The following CTNND2 variants were observed in gnomAD, a reference collection of about 807,000 sequenced individuals.
The protein encoded by CTNND2 is catenin delta 2.
Under a neutral mutation model 144.4 loss-of-function variants are expected in CTNND2, and 22 were observed. The observed-to-expected ratio is 0.15, with a 90% CI of 0.11 to 0.22. CTNND2 has a LOEUF of 0.22. Ranked by LOEUF, CTNND2 falls within the 10% of genes least tolerant of loss-of-function variation. The pLI is 1.00. For synonymous variants in CTNND2, 751 were observed against 695.6 expected (o/e 1.08, Z -1.25); for missense variants, 1,353 against 1,618.8 (o/e 0.84, Z 2.82).
intron 16 of CTNND2, among the ~76,000 whole-genome samples, chr5:11,040,193 C>T (rs1338862547): frequency 6.6e-6 from 1 of 152,150 alleles, no homozygotes; most frequent in Non-Finnish European, 1.5e-5. Context: ...TTGCAGTGAG[C>T]TGAGATCACG....
intron 3 of CTNND2, among the ~76,000 whole-genome samples, chr5:11,444,877 T>C (rs1274002878): frequency 6.6e-6 from 1 of 152,034 alleles, no homozygotes. Flanking sequence ...ACCCAGGGCC[T>C]GGATTGGGGT....
At chr5:11,848,125 C>T (rs1325686906) in intron 1 of CTNND2, among the ~76,000 whole-genome samples, 1 of 152,006 alleles carries the variant, frequency 6.6e-6, no homozygotes, top group African/African-American at 2.4e-5. Context: ...GCCCTCTATT[C>T]TTTACACTTT....
At chr5:11,063,511 A>C (rs146436859) in intron 16 of CTNND2, among the ~76,000 whole-genome samples, 174 of 152,284 alleles carry the variant, frequency 1.1e-3, no homozygotes, top group Non-Finnish European at 2.1e-3. Context: ...TTGCAAAGAG[A>C]ATGAGCAATA....
intron 2 of CTNND2, among the ~76,000 whole-genome samples, chr5:11,604,999 T>A (rs1275037405): frequency 6.6e-6 from 1 of 152,254 alleles, no homozygotes; most frequent in East Asian, 1.9e-4. Context: ...TGAGTTTTAG[T>A]TATAGCACCA....
chr5:11,795,832 A>C (rs1488653421), intron 1 of CTNND2, among the ~76,000 whole-genome samples: 2 of 152,246 alleles, frequency 1.3e-5, no homozygotes, highest in East Asian at 1.9e-4. Flanking sequence ...CCACAGACTT[A>C]GTAACTTAAA....
intron 3 of CTNND2, among the ~76,000 whole-genome samples, chr5:11,534,405 C>T (rs1233793262): frequency 6.6e-6 from 1 of 152,024 alleles, no homozygotes; most frequent in Non-Finnish European, 1.5e-5. Flanking sequence ...CACCTGAGGT[C>T]AGGAGTTCGA....
At position 11,018,030 on chromosome 5, in the gene CTNND2, A is replaced by T. The variant is rs768990616; in HGVS notation, c.3028T>A (p.Ser1010Thr). The T allele has an allele frequency of 1.5e-5, 24 of 1,613,408 alleles. No homozygotes were observed. The East Asian group carries it at 4.7e-4, about 31-fold the overall frequency. ...KHSPKVVKAA[S>T]QVLNSMWQYR... ...TGCCACATGCTGTTGAGGACCTGAG[A>T]TGCAGCCTTGACCACTTTTGGAGAG... is the stretch of plus-strand genomic sequence containing the variant. Residue 1010 changes from serine (S) to threonine (T), a missense_variant, in exon 18 of 22, where the codon TCT becomes ACT. Physicochemically the swap from Ser to Thr is moderately conservative, Grantham distance 58 (BLOSUM62 1). Coordinates refer to ENST00000304623, the MANE Select transcript of CTNND2 (RefSeq NM_001332.4).
At chr5:11,238,699 GATATATATACACATT>G (rs1741900558) in intron 9 of CTNND2, among the ~76,000 whole-genome samples, 1 of 151,844 alleles carries the variant, frequency 6.6e-6, no homozygotes, top group South Asian at 2.1e-4. Context: ...TACACACACA[GATATATATACACATT>G]ATATATATAC....
chr5:11,817,514 C>T (rs570126292), intron 1 of CTNND2, among the ~76,000 whole-genome samples: 3 of 150,312 alleles, frequency 2.0e-5, no homozygotes, highest in South Asian at 2.1e-4. Context: ...AGCACCAACA[C>T]AACCCCATTC....
At chr5:11,011,146 G>A (rs1741035703) in intron 18 of CTNND2, among the ~76,000 whole-genome samples, 1 of 152,202 alleles carries the variant, frequency 6.6e-6, no homozygotes. Context: ...GTCAACAAGA[G>A]GTTGGGTCTG....
intron 11 of CTNND2, among the ~76,000 whole-genome samples, chr5:11,173,092 G>A (rs987364950): frequency 2.0e-5 from 3 of 152,320 alleles, no homozygotes; most frequent in Admixed American, 1.3e-4. Context: ...TGTAATGTCT[G>A]GCACTGTATA....
chr5:11,720,690 T>G (rs780611095), intron 2 of CTNND2, among the ~76,000 whole-genome samples: 1 of 152,226 alleles, frequency 6.6e-6, no homozygotes, highest in Non-Finnish European at 1.5e-5. Flanking sequence ...ACTAAATATA[T>G]TGCTAATATT....
At chr5:11,647,524 C>A (rs923206034) in intron 2 of CTNND2, among the ~76,000 whole-genome samples, 2 of 151,824 alleles carry the variant, frequency 1.3e-5, no homozygotes, top group Non-Finnish European at 2.9e-5. Flanking sequence ...GATAGTGCCC[C>A]CCGCAAGCCC....
At chr5:11,513,995 A>T (rs1332728269) in intron 3 of CTNND2, among the ~76,000 whole-genome samples, 1 of 152,210 alleles carries the variant, frequency 6.6e-6, no homozygotes, top group African/African-American at 2.4e-5. Flanking sequence ...CCTGGGCAAC[A>T]TAGGGAGACT....
chr5:11,781,756 C>T (rs1430758124), intron 1 of CTNND2, among the ~76,000 whole-genome samples: 1 of 152,188 alleles, frequency 6.6e-6, no homozygotes, highest in Non-Finnish European at 1.5e-5. Flanking sequence ...CTTCTCCACA[C>T]TGAATTATAC....
intron 10 of CTNND2, among the ~76,000 whole-genome samples, chr5:11,205,064 C>T (rs1343088176): frequency 1.3e-5 from 2 of 152,166 alleles, no homozygotes; most frequent in Non-Finnish European, 2.9e-5. Flanking sequence ...AGGAATCTTT[C>T]ATTTTAATAA....
At chr5:11,681,971 C>T (rs1784437878) in intron 2 of CTNND2, among the ~76,000 whole-genome samples, 1 of 149,500 alleles carries the variant, frequency 6.7e-6, no homozygotes, top group African/African-American at 2.4e-5. Flanking sequence ...CCTTCTGACA[C>T]ATGACACATG....
In CTNND2 at chr5:11,697,887, C is replaced by T. The variant is rs920236714; in HGVS notation, c.174+34249G>A. On this transcript the variant is annotated intron_variant, in intron 2 of 21. Coordinates refer to ENST00000304623, the MANE Select transcript of CTNND2 (RefSeq NM_001332.4). ...ATCAATTATGAAAAAAGGCAAACAGCACATCTAACACCCTATGTCTGGGAG... is the reference window on the plus strand; with the variant it reads ...ATCAATTATGAAAAAAGGCAAACAGTACATCTAACACCCTATGTCTGGGAG... Among the ~76,000 whole-genome samples, 3 of 152,134 alleles carry T rather than the reference C, an allele frequency of 2.0e-5. No homozygotes were observed. In the East Asian group the frequency reaches 5.8e-4, roughly 29 times the overall value.
At position 11,550,735 on chromosome 5, in the gene CTNND2, T is replaced by C. The variant is rs1326872759; in HGVS notation, c.287+14209A>G. ...ATCTCTGAAATTTAACATTCCATGATAGTTTCTCCTGGATAAAAGGGAATT... is the reference window on the plus strand; with the variant it reads ...ATCTCTGAAATTTAACATTCCATGACAGTTTCTCCTGGATAAAAGGGAATT... On this transcript the variant is annotated intron_variant, in intron 3 of 21. Coordinates refer to ENST00000304623, the MANE Select transcript of CTNND2 (RefSeq NM_001332.4). 2.6e-5 allele frequency among the ~76,000 whole-genome samples: 4 copies of C among 152,216 alleles called. No individual in the cohort carries two copies. The East Asian group carries it at 7.7e-4, about 29-fold the overall frequency.
Sources: allele counts gnomAD v4.1 joint callset (sites outside exome capture counted in the v4.1 genomes callset), GRCh38; gene constraint gnomAD v4.1.1; transcripts MANE v1.5; gene names NCBI Gene and HGNC (gene_info 2026-07-23, HGNC 2026-07-21).